CLASP1: variants seen among roughly 807,000 people sequenced by gnomAD.
The protein encoded by CLASP1 is CLIP-associating protein 1.
CLASP1 carries 38 observed loss-of-function variants against 192.3 expected under a neutral mutation model. The observed-to-expected ratio is 0.20, with a 90% CI of 0.15 to 0.26. The LOEUF is 0.26. Ranked by LOEUF, CLASP1 falls within the 10% of genes least tolerant of loss-of-function variation. The pLI, the probability that CLASP1 is intolerant of heterozygous loss-of-function variation, is 1.00. For synonymous variants in CLASP1, 691 were observed against 712.8 expected (o/e 0.97, Z 0.49); for missense variants, 1,433 against 1,932.5 (o/e 0.74, Z 4.85).
At chr2:121,638,674 T>TTA (rs70954565) in intron 1 of CLASP1, among the ~76,000 whole-genome samples, 3 of 149,432 alleles carry the variant, frequency 2.0e-5, no homozygotes, top group Non-Finnish European at 1.5e-5. Flanking sequence ...TTTTTTATTT[T>TTA]TTTTTTTTTT....
At chr2:121,443,774 T>C (rs1164247576) in intron 19 of CLASP1, among the ~76,000 whole-genome samples, 3 of 152,304 alleles carry the variant, frequency 2.0e-5, no homozygotes, top group Admixed American at 6.5e-5. Flanking sequence ...TTAGTAAGTA[T>C]CCAAGTAATT....
chr2:121,525,023 T>A (rs1331645306), intron 6 of CLASP1, among the ~76,000 whole-genome samples: 1 of 152,288 alleles, frequency 6.6e-6, no homozygotes, highest in East Asian at 1.9e-4. Context: ...TACAACCTCC[T>A]GGGAGGGTAA....
chr2:121,637,077 T>C (rs189701694), intron 1 of CLASP1, among the ~76,000 whole-genome samples: 33 of 152,308 alleles, frequency 2.2e-4, no homozygotes, highest in Middle Eastern at 3.4e-3. Flanking sequence ...ATAGAACATA[T>C]ACTCTCCTAC....
chr2:121,488,085 G>A (rs1423918245), intron 8 of CLASP1, among the ~76,000 whole-genome samples: 1 of 152,094 alleles, frequency 6.6e-6, no homozygotes, highest in Non-Finnish European at 1.5e-5. Flanking sequence ...CCTTGCTCCA[G>A]CCCTAAACTC....
chr2:121,500,265 G>A (rs927084979), intron 8 of CLASP1, among the ~76,000 whole-genome samples: 33 of 150,818 alleles, frequency 2.2e-4, no homozygotes, highest in Admixed American at 1.0e-3. Flanking sequence ...AAAAAAACAC[G>A]AAGGAGGAGG....
chr2:121,584,017 TATC>T (rs1462681700), intron 2 of CLASP1, among the ~76,000 whole-genome samples: 2 of 152,052 alleles, frequency 1.3e-5, no homozygotes, highest in African/African-American at 4.8e-5. Context: ...AGCAACAAGG[TATC>T]ATCCTGGTAG....
chr2:121,638,666 T>A (rs998919353), intron 1 of CLASP1, among the ~76,000 whole-genome samples: 1 of 136,868 alleles, frequency 7.3e-6, no homozygotes, highest in African/African-American at 3.3e-5. Flanking sequence ...TGGTGTTCTT[T>A]TTTATTTTTT....
At chr2:121,387,990 A>ACTTATAAAATATTT in intron 30 of CLASP1, 84 bp from the exon 32 acceptor site, 2 of 1,099,706 alleles carry the variant, frequency 1.8e-6, no homozygotes, top group Non-Finnish European at 2.6e-6. Context: ...AAAATATTTT[A>ACTTATAAAATATTT]TAAGTAAAAT....
rs139427006 is a variant in CLASP1 at position 121,376,423 on chromosome 2, T to C, written c.3642+1076A>G. Among the ~76,000 whole-genome samples, 982 of 147,780 alleles carry C rather than the reference T, an allele frequency of 6.6e-3. 15 individuals carry two copies. The highest frequency in any genetic ancestry group is 0.023 in the African/African-American group (938 of 40,020). On this transcript the variant is annotated intron_variant, in intron 34 of 39. Transcript: ENST00000263710. ...CATTAAGTGAAATAAATGAGGTACA[T>C]TAAGACCGAAATCATATATTCTCAC...
At chr2:121,648,359 A>G (rs1039932376) in intron 1 of CLASP1, among the ~76,000 whole-genome samples, 2 of 152,154 alleles carry the variant, frequency 1.3e-5, no homozygotes, top group African/African-American at 4.8e-5. Flanking sequence ...TCATTGCCAC[A>G]TCTACAAATG....
chr2:121,341,029 A>C, intron 39 of CLASP1, 82 bp from the exon 41 acceptor site: 1 of 921,984 alleles, frequency 1.1e-6, no homozygotes, highest in Non-Finnish European at 1.7e-6. Context: ...CCCAGGTGAC[A>C]GTAAGGAAAC....
At chr2:121,451,349 C>A (rs1315525132) in intron 15 of CLASP1, among the ~76,000 whole-genome samples, 2 of 152,218 alleles carry the variant, frequency 1.3e-5, no homozygotes, top group African/African-American at 4.8e-5. Flanking sequence ...CACATCAGAA[C>A]TAGTTTCTAT....
exon 23 of CLASP1, chr2:121,418,635 G>T: frequency 6.2e-7 from 1 of 1,613,400 alleles, no homozygotes; most frequent in South Asian, 1.1e-5. Flanking sequence ...GTGGAGGAAA[G>T]CCCCGAGCAG....
At chr2:121,515,945 C>G (rs915899784) in intron 6 of CLASP1, among the ~76,000 whole-genome samples, 183 bp from the exon 7 acceptor site, 3 of 152,174 alleles carry the variant, frequency 2.0e-5, no homozygotes, top group Non-Finnish European at 2.9e-5. Flanking sequence ...TTTGCTGATA[C>G]AATGTCAAAC....
At chr2:121,452,096 A>G (rs935125783) in intron 14 of CLASP1, among the ~76,000 whole-genome samples, 1 of 152,216 alleles carries the variant, frequency 6.6e-6, no homozygotes, top group Non-Finnish European at 1.5e-5. Context: ...CTCTCCAATC[A>G]GAAGCTTGCA....
chr2:121,440,866 G>C (rs1209568382), intron 19 of CLASP1, among the ~76,000 whole-genome samples: 1 of 150,634 alleles, frequency 6.6e-6, no homozygotes, highest in African/African-American at 2.4e-5. Flanking sequence ...AATAATTTTG[G>C]AGGGAAGGAT....
At chr2:121,337,785 G>C (rs2062454657) in exon 40 of CLASP1, 1 of 151,806 alleles carries the variant, frequency 6.6e-6, no homozygotes, top group African/African-American at 2.4e-5. Context: ...ATTGAATTAA[G>C]TCTCATTTAT....
At chr2:121,531,713 CA>C (rs1306359543) in intron 2 of CLASP1, among the ~76,000 whole-genome samples, 2 of 150,968 alleles carry the variant, frequency 1.3e-5, no homozygotes, top group African/African-American at 2.4e-5. Flanking sequence ...ACTAAAAATA[CA>C]AAAATTAGCT....
chr2:121,464,073 C>A (rs1328098250), intron 9 of CLASP1, among the ~76,000 whole-genome samples: 1 of 146,850 alleles, frequency 6.8e-6, no homozygotes, highest in African/African-American at 2.5e-5. Flanking sequence ...TCAATTCCCA[C>A]CTATGAGTGA....
Sources: allele counts gnomAD v4.1 joint callset (sites outside exome capture counted in the v4.1 genomes callset), GRCh38; gene constraint gnomAD v4.1.1; transcripts MANE v1.5; gene names NCBI Gene and HGNC (gene_info 2026-07-23, HGNC 2026-07-21).